Variants in CSGALNACT1 observed in about 807,000 individuals in gnomAD.
The protein encoded by CSGALNACT1 is beta4GalNAcT-1.
A neutral mutation model predicts 51.0 loss-of-function variants in CSGALNACT1; 52 were observed. That is an observed-to-expected ratio of 1.02 (90% CI 0.82 to 1.29). The LOEUF (loss-of-function observed/expected upper bound fraction) is 1.29. CSGALNACT1 is among the 50% of genes most tolerant of loss of function. The pLI, the probability that CSGALNACT1 is intolerant of heterozygous loss-of-function variation, is 0.00. For synonymous variants in CSGALNACT1, 341 were observed against 254.4 expected (o/e 1.34, Z -3.24); for missense variants, 935 against 679.2 (o/e 1.38, Z -4.19).
intron 3 of CSGALNACT1, among the ~76,000 whole-genome samples, chr8:19,553,776 T>C (rs1004128692): frequency 5.3e-5 from 8 of 150,974 alleles, no homozygotes; most frequent in African/African-American, 1.9e-4. Context: ...AATAGAAAGG[T>C]CAAAGGAAAT....
upstream of CSGALNACT1, among the ~76,000 whole-genome samples, chr8:19,685,885 G>T (rs187488212): frequency 2.0e-5 from 3 of 152,234 alleles, no homozygotes; most frequent in Non-Finnish European, 2.9e-5. Context: ...GTTAATAGCC[G>T]TACAACCTCA....
intron 1 of CSGALNACT1, among the ~76,000 whole-genome samples, chr8:19,666,947 GA>G (rs2059320151): frequency 6.6e-5 from 1 of 15,090 alleles, no homozygotes; most frequent in African/African-American, 3.7e-4. Flanking sequence ...GAGAGAAAAA[GA>G]AAGAAAGAAA....
Position 19,406,059 on chromosome 8 carries a change from A to C in CSGALNACT1, c.1320T>G (p.Asp440Glu). 1 of 1,614,140 alleles carries C rather than the reference A, an allele frequency of 6.2e-7. No individual in the cohort carries two copies. Among genetic ancestry groups the C allele is most frequent in the Non-Finnish European group, 8.5e-7 (1 of 1,180,030 alleles). ...CTCCGCCCCAGCCTTTGATGTCCAG[A>C]TCAAACCCACCTGTCGGGACAGAAC... The change falls in exon 10 of 10, where the codon GAT becomes GAG. Residue 440 changes from aspartate (D) to glutamate (E), a missense_variant. Transcript: ENST00000454498.
intron 3 of CSGALNACT1, among the ~76,000 whole-genome samples, chr8:19,568,367 A>G (rs1343511844): frequency 6.6e-6 from 1 of 152,168 alleles, no homozygotes; most frequent in Non-Finnish European, 1.5e-5. Flanking sequence ...GCATAGGGAA[A>G]ATATGGTATT....
At chr8:19,622,254 G>A (rs2053914190) in intron 1 of CSGALNACT1, among the ~76,000 whole-genome samples, 1 of 152,130 alleles carries the variant, frequency 6.6e-6, no homozygotes, top group African/African-American at 2.4e-5. Context: ...TTGTTTTATT[G>A]TTTAGGGATC....
intron 4 of CSGALNACT1, among the ~76,000 whole-genome samples, chr8:19,504,525 C>A (rs1295456740): frequency 6.6e-6 from 1 of 152,112 alleles, no homozygotes; most frequent in Non-Finnish European, 1.5e-5. Context: ...AGGCTGCTGT[C>A]TTCTAAAATT....
At chr8:19,412,416 G>A (rs2055993087) in intron 8 of CSGALNACT1, among the ~76,000 whole-genome samples, 1 of 152,242 alleles carries the variant, frequency 6.6e-6, no homozygotes. Flanking sequence ...CCCTGCAGCT[G>A]CATGTGAGCT....
chr8:19,406,119 C>G (rs1422487396), intron 9 of CSGALNACT1, 50 bp from the exon 9 acceptor site: 2 of 1,609,956 alleles, frequency 1.2e-6, no homozygotes, highest in African/African-American at 2.7e-5. Flanking sequence ...ATCTGTTTTG[C>G]TTCCCTGAGT....
chr8:19,475,301 G>A (rs1026755766), intron 4 of CSGALNACT1, among the ~76,000 whole-genome samples: 1 of 152,148 alleles, frequency 6.6e-6, no homozygotes, highest in African/African-American at 2.4e-5. Context: ...GGGCCAAGAA[G>A]GCAGCCTGTG....
At chr8:19,642,742 T>C (rs1473673021) in intron 1 of CSGALNACT1, among the ~76,000 whole-genome samples, 1 of 151,678 alleles carries the variant, frequency 6.6e-6, no homozygotes, top group East Asian at 1.9e-4. Flanking sequence ...GCTGCTGTGC[T>C]TTCACCACTG....
At chr8:19,653,540 T>C (rs117955584) in intron 1 of CSGALNACT1, among the ~76,000 whole-genome samples, 1 of 152,142 alleles carries the variant, frequency 6.6e-6, no homozygotes, top group Admixed American at 6.5e-5. Context: ...ATGCCTGTAA[T>C]CCCAGCACTT....
chr8:19,660,494 T>A (rs1276780186), intron 1 of CSGALNACT1, among the ~76,000 whole-genome samples: 1 of 152,162 alleles, frequency 6.6e-6, no homozygotes, highest in Non-Finnish European at 1.5e-5. Flanking sequence ...AAGATTATCA[T>A]CTTCAAAAAT....
At chr8:19,598,468 C>G (rs1374201354) in intron 2 of CSGALNACT1, among the ~76,000 whole-genome samples, 1 of 152,200 alleles carries the variant, frequency 6.6e-6, no homozygotes, top group Non-Finnish European at 1.5e-5. Flanking sequence ...TTTATAAAAT[C>G]CAAACTGTTA....
At chr8:19,641,808 C>G (rs951238986) in intron 1 of CSGALNACT1, 2 of 152,180 alleles carry the variant, frequency 1.3e-5, no homozygotes, top group African/African-American at 4.8e-5. Flanking sequence ...CAAATGCCTT[C>G]TGGTTGTTGG....
intron 3 of CSGALNACT1, among the ~76,000 whole-genome samples, chr8:19,523,985 T>A (rs2081204980): frequency 6.6e-6 from 1 of 152,162 alleles, no homozygotes; most frequent in African/African-American, 2.4e-5. Flanking sequence ...AATACCCAAA[T>A]CATCATGGAT....
At chr8:19,507,440 C>T (rs944694705) in intron 3 of CSGALNACT1, among the ~76,000 whole-genome samples, 7 of 148,260 alleles carry the variant, frequency 4.7e-5, no homozygotes, top group Non-Finnish European at 1.5e-5. Flanking sequence ...TTCCTCCACT[C>T]ATCATGGACA....
intron 1 of CSGALNACT1, among the ~76,000 whole-genome samples, chr8:19,746,732 T>C (rs576150993): frequency 2.0e-5 from 3 of 152,356 alleles, no homozygotes; most frequent in South Asian, 4.1e-4. Context: ...AGCCTACAAG[T>C]CCTCCAGAAA....
intron 8 of CSGALNACT1, among the ~76,000 whole-genome samples, chr8:19,409,195 T>A (rs1326380610): frequency 6.6e-6 from 1 of 152,160 alleles, no homozygotes; most frequent in South Asian, 2.1e-4. Context: ...CAGGACTCCC[T>A]TGGGGAATAA....
At chr8:19,522,430 T>C (rs898529512) in intron 3 of CSGALNACT1, among the ~76,000 whole-genome samples, 5 of 152,194 alleles carry the variant, frequency 3.3e-5, no homozygotes, top group East Asian at 1.9e-4. Flanking sequence ...AAGAAAACCA[T>C]AGTAAATTTG....
Sources: allele counts gnomAD v4.1 joint callset (sites outside exome capture counted in the v4.1 genomes callset), GRCh38; gene constraint gnomAD v4.1.1; transcripts MANE v1.5; gene names NCBI Gene and HGNC (gene_info 2026-07-23, HGNC 2026-07-21).